DGKI: variants seen among roughly 807,000 people sequenced by gnomAD.
DGKI encodes DAG kinase iota.
DGKI carries 55 observed loss-of-function variants against 147.5 expected under a neutral mutation model. That is an observed-to-expected ratio of 0.37 (90% CI 0.30 to 0.47). DGKI has a LOEUF of 0.47. Ranked by LOEUF, DGKI falls within the 20% of genes least tolerant of loss-of-function variation. The pLI is 1.00. For synonymous variants in DGKI, 469 were observed against 477.1 expected (o/e 0.98, Z 0.22); for missense variants, 1,007 against 1,323.8 (o/e 0.76, Z 3.71).
chr7:137,670,145 GTTTTC>G (rs377321449), intron 3 of DGKI, among the ~76,000 whole-genome samples: 3 of 152,224 alleles, frequency 2.0e-5, no homozygotes, highest in African/African-American at 7.2e-5. Flanking sequence ...GCCGTATATT[GTTTTC>G]TTTTGAGTTT....
intron 28 of DGKI, among the ~76,000 whole-genome samples, chr7:137,413,881 C>T (rs949315629): frequency 1.3e-5 from 2 of 152,156 alleles, no homozygotes; most frequent in Non-Finnish European, 2.9e-5. Flanking sequence ...AGTGGCTAAA[C>T]TAATTTAAAT....
intron 12 of DGKI, among the ~76,000 whole-genome samples, chr7:137,596,001 C>CAAAAAAAAAAAAAAAAAA (rs71177914): frequency 3.3e-3 from 147 of 44,448 alleles, no homozygotes; most frequent in Non-Finnish European, 4.4e-3. Flanking sequence ...GACTCCGTCT[C>CAAAAAAAAAAAAAAAAAA]AAAAAAAAAA....
intron 1 of DGKI, among the ~76,000 whole-genome samples, chr7:137,698,971 C>T (rs1328063624): frequency 6.6e-6 from 1 of 152,182 alleles, no homozygotes; most frequent in South Asian, 2.1e-4. Context: ...CCATGAAATG[C>T]TATCTTAGTC....
At chr7:137,459,726 A>C (rs1001246162) in intron 27 of DGKI, among the ~76,000 whole-genome samples, 2 of 151,862 alleles carry the variant, frequency 1.3e-5, no homozygotes, top group African/African-American at 4.8e-5. Context: ...CACCCGCCTC[A>C]GCCTCCCAAA....
intron 1 of DGKI, among the ~76,000 whole-genome samples, chr7:137,830,402 G>C (rs1798184599): frequency 1.3e-5 from 2 of 152,238 alleles, no homozygotes; most frequent in African/African-American, 4.8e-5. Context: ...AGCTGGAGCT[G>C]ACTGTGCTCT....
Position 137,657,034 on chromosome 7 carries a change from C to T in DGKI, c.607-494G>A, listed in dbSNP as rs1376383582. The stretch of plus-strand genomic sequence containing the variant: ...ATTTCCAGGGGCCAGTCATTTTAGG[C>T]TTCTATCCCAGGCATGAGTCTAGAC... On this transcript the variant is annotated intron_variant, in intron 3 of 32. Coordinates refer to ENST00000614521, the MANE Select transcript of DGKI (RefSeq NM_001321708.2). Among the ~76,000 whole-genome samples, 4 of 152,198 alleles carry T rather than the reference C, an allele frequency of 2.6e-5. No individual in the cohort carries two copies. The East Asian group carries it at 7.7e-4, about 29-fold the overall frequency.
intron 1 of DGKI, among the ~76,000 whole-genome samples, chr7:137,692,113 A>C (rs1248539254): frequency 2.0e-5 from 3 of 152,200 alleles, no homozygotes; most frequent in Non-Finnish European, 4.4e-5. Context: ...AGAAAGTAAC[A>C]GTGGAAGAAT....
intron 6 of DGKI, among the ~76,000 whole-genome samples, chr7:137,641,280 C>T (rs563090293): frequency 6.8e-4 from 103 of 152,174 alleles, no homozygotes; most frequent in Non-Finnish European, 9.6e-4. Flanking sequence ...TGCCCAGTCT[C>T]GGGTATGTGT....
At chr7:137,719,496 A>C (rs891223317) in intron 1 of DGKI, among the ~76,000 whole-genome samples, 2 of 152,020 alleles carry the variant, frequency 1.3e-5, no homozygotes, top group African/African-American at 4.8e-5. Context: ...GCCCCCAAGC[A>C]GAATGATATT....
At chr7:137,462,098 T>C (rs1200412939) in intron 27 of DGKI, among the ~76,000 whole-genome samples, 1 of 151,094 alleles carries the variant, frequency 6.6e-6, no homozygotes, top group Non-Finnish European at 1.5e-5. Flanking sequence ...TGGAAACAGA[T>C]TATATATATA....
chr7:137,548,940 A>G (rs760170300), intron 20 of DGKI, among the ~76,000 whole-genome samples: 8 of 152,216 alleles, frequency 5.3e-5, no homozygotes, highest in Non-Finnish European at 7.3e-5. Flanking sequence ...CAGCCTGGAC[A>G]AGAAAGTGAG....
intron 28 of DGKI, among the ~76,000 whole-genome samples, chr7:137,442,064 C>T (rs1474975956): frequency 6.6e-6 from 1 of 152,002 alleles, no homozygotes; most frequent in Non-Finnish European, 1.5e-5. Context: ...TGAACAATTA[C>T]ATAGGATTAG....
chr7:137,417,094 CAAAT>C (rs1423198066), intron 28 of DGKI, among the ~76,000 whole-genome samples: 2 of 152,218 alleles, frequency 1.3e-5, no homozygotes, highest in Non-Finnish European at 1.5e-5. Flanking sequence ...AGCTTAAAAA[CAAAT>C]AATGAGTTGT....
At chr7:137,577,785 C>G (rs958663278) in intron 16 of DGKI, among the ~76,000 whole-genome samples, 6 of 152,088 alleles carry the variant, frequency 3.9e-5, no homozygotes, top group Non-Finnish European at 4.4e-5. Context: ...TATGAACGTG[C>G]CTGAGAAACA....
At chr7:137,440,653 G>A (rs929563500) in intron 28 of DGKI, among the ~76,000 whole-genome samples, 1 of 152,202 alleles carries the variant, frequency 6.6e-6, no homozygotes, top group Non-Finnish European at 1.5e-5. Context: ...TTGCAGCTGT[G>A]AAACTGGGGG....
At chr7:137,701,153 C>T (rs1184562303) in intron 1 of DGKI, among the ~76,000 whole-genome samples, 1 of 151,306 alleles carries the variant, frequency 6.6e-6, no homozygotes, top group African/African-American at 2.4e-5. Context: ...TGCAGGCCTA[C>T]TTGCAGAAAA....
chr7:137,461,743 A>C (rs2128924634), intron 27 of DGKI, among the ~76,000 whole-genome samples: 1 of 152,066 alleles, frequency 6.6e-6, no homozygotes, highest in South Asian at 2.1e-4. Flanking sequence ...TTTTCAAAGT[A>C]ATTTTTCAGG....
chr7:137,562,268 G>A (rs997794593), intron 19 of DGKI, among the ~76,000 whole-genome samples: 2 of 152,222 alleles, frequency 1.3e-5, no homozygotes, highest in African/African-American at 4.8e-5. Flanking sequence ...GGGCACAGTG[G>A]CTCACGCCTG....
intron 1 of DGKI, among the ~76,000 whole-genome samples, chr7:137,694,368 T>C (rs1297182816): frequency 6.6e-6 from 1 of 151,590 alleles, no homozygotes; most frequent in Non-Finnish European, 1.5e-5. Context: ...AAGCCAGAGA[T>C]ACCCTTTTCT....
Sources: gnomAD v4.1 joint callset for allele counts (sites outside exome capture counted in the v4.1 genomes callset) on GRCh38, gnomAD v4.1.1 for gene constraint, MANE v1.5 for transcripts, NCBI Gene and HGNC (gene_info 2026-07-23, HGNC 2026-07-21) for gene names.